The following TFCP2L1 variants were observed in gnomAD, a reference collection of about 807,000 sequenced individuals.
The protein encoded by TFCP2L1 is transcription factor CP2 like 1.
TFCP2L1 carries 12 observed loss-of-function variants against 72.2 expected under a neutral mutation model. That is an observed-to-expected ratio of 0.17 (90% CI 0.11 to 0.27). The LOEUF (loss-of-function observed/expected upper bound fraction) is 0.27. Among genes scored for constraint, TFCP2L1 ranks in the 10% least tolerant of loss-of-function variants. TFCP2L1 has a pLI of 1.00. For synonymous variants in TFCP2L1, 260 were observed against 251.0 expected (o/e 1.04, Z -0.34); for missense variants, 488 against 624.6 (o/e 0.78, Z 2.33).
At chr2:121,280,520 G>T (rs529563559) in intron 2 of TFCP2L1, among the ~76,000 whole-genome samples, 1 of 152,174 alleles carries the variant, frequency 6.6e-6, no homozygotes, top group Non-Finnish European at 1.5e-5. Context: ...CACTTTGGGA[G>T]GCGCAGGCAG....
intron 2 of TFCP2L1, among the ~76,000 whole-genome samples, chr2:121,279,670 G>A (rs149246968): frequency 2.6e-5 from 4 of 152,330 alleles, no homozygotes; most frequent in African/African-American, 7.2e-5. Context: ...TTCCACCCTG[G>A]CTGGCTCTCC....
At chr2:121,240,010 G>A in intron 7 of TFCP2L1, 1 of 981,852 alleles carries the variant, frequency 1.0e-6, no homozygotes, top group Non-Finnish European at 1.2e-6. Context: ...TCCTGGGAGA[G>A]ACAAATTCGT....
intron 2 of TFCP2L1, among the ~76,000 whole-genome samples, chr2:121,254,249 A>C (rs1686669102): frequency 6.6e-6 from 1 of 152,208 alleles, no homozygotes; most frequent in Non-Finnish European, 1.5e-5. Flanking sequence ...GCCAAAGTTA[A>C]GACACATTCT....
Position 121,237,810 on chromosome 2 carries a change from C to T in TFCP2L1, c.901G>A (p.Gly301Ser). The part of the protein sequence containing the change: ...PTHPVEALPV[G>S]SDHLLPSASI... ...CCTGCTCAGACACTTACGTCACTGC[C>T]CACGGGCAGGGCCTCCACCGGGTGG... Residue 301 changes from glycine (G) to serine (S), a missense_variant, in exon 9 of 15, where the codon GGC becomes AGC. By Grantham distance (56) the Gly-to-Ser change is moderately conservative (BLOSUM62 0). Coordinates refer to ENST00000263707, the MANE Select transcript of TFCP2L1 (RefSeq NM_014553.3). 6.2e-7 allele frequency: 1 copy of T among 1,614,098 alleles called. No homozygotes were observed. The highest frequency in any genetic ancestry group is 8.5e-7 in the Non-Finnish European group (1 of 1,180,034).
chr2:121,235,820 C>T (rs906554604), intron 10 of TFCP2L1, among the ~76,000 whole-genome samples: 1 of 151,770 alleles, frequency 6.6e-6, no homozygotes, highest in African/African-American at 2.4e-5. Flanking sequence ...GTATACAGCT[C>T]GCTGGATGCT....
chr2:121,260,407 T>G (rs1686807701), intron 2 of TFCP2L1, among the ~76,000 whole-genome samples: 1 of 152,150 alleles, frequency 6.6e-6, no homozygotes, highest in Non-Finnish European at 1.5e-5. Context: ...GAGGATTAAA[T>G]GAGATAATGT....
In TFCP2L1 at chr2:121,249,016, C is replaced by T; in HGVS notation, c.363G>A (p.Arg121=). 1.2e-6 allele frequency: 2 copies of T among 1,604,216 alleles called. No individual in the cohort carries two copies. Among genetic ancestry groups the T allele is most frequent in the South Asian group, 1.1e-5 (1 of 88,770 alleles). Reference sequence around the variant, plus strand: ...GGATCCGGTCCCCTGGCCGACTCCACCGCCAGCCCTCCAGCTGCTGGTGCT... The same window carrying T: ...GGATCCGGTCCCCTGGCCGACTCCATCGCCAGCCCTCCAGCTGCTGGTGCT... ...YTEHQQLEGW[R]WSRPGDRILD... The change falls in exon 4 of 15, where the codon CGG becomes CGA. Residue 121 remains arginine, a synonymous_variant. Coordinates refer to ENST00000263707, the MANE Select transcript of TFCP2L1 (RefSeq NM_014553.3).
chr2:121,243,725 C>T (rs191364957), intron 6 of TFCP2L1, among the ~76,000 whole-genome samples: 1 of 151,718 alleles, frequency 6.6e-6, no homozygotes, highest in East Asian at 1.9e-4. Context: ...TGACTGTCCT[C>T]CCCCCGCCAC....
intron 2 of TFCP2L1, among the ~76,000 whole-genome samples, chr2:121,260,753 C>G (rs1686815797): frequency 6.6e-6 from 1 of 152,196 alleles, no homozygotes; most frequent in South Asian, 2.1e-4. Flanking sequence ...GTCGTGCCCA[C>G]CAGGTGCTCC....
At chr2:121,283,996 A>C (rs888536198) in intron 1 of TFCP2L1, among the ~76,000 whole-genome samples, 1 of 152,094 alleles carries the variant, frequency 6.6e-6, no homozygotes, top group Non-Finnish European at 1.5e-5. Context: ...ACTAAACCCA[A>C]TCATTCCCCC....
rs575514638 is a variant in TFCP2L1, at chr2:121,275,398, C to CAAA, written c.214+5719_214+5721dup. ...TGGGCGACAGCACGAGACTCCATCT[C>CAAA]AAAAAAAAAAAAAAAAAGAAATAAC... On this transcript the variant is annotated intron_variant, in intron 2 of 14. Transcript: ENST00000263707. Among the ~76,000 whole-genome samples the CAAA allele has an allele frequency of 1.1e-3, 73 of 65,736 alleles. 4 individuals carry two copies. The highest frequency in any genetic ancestry group is 3.0e-3 in the African/African-American group (44 of 14,600). 43.1% of individuals were successfully genotyped at this position (65,736 alleles called of 152,430 possible).
chr2:121,242,354 C>T lies in TFCP2L1; in HGVS notation c.768+5G>A, dbSNP rs750960447. 1 of 1,613,822 alleles carries T rather than the reference C, an allele frequency of 6.2e-7. No individual in the cohort carries two copies. On this transcript the variant is annotated splice_donor_5th_base_variant and intron_variant, in intron 7 of 14. Transcript: ENST00000263707. ...AGGCTCTGTCCCCGCACCCAGCCGGCTCACCTCTGTGAGGATGGTGGTTTC... is the reference window on the plus strand; with the variant it reads ...AGGCTCTGTCCCCGCACCCAGCCGGTTCACCTCTGTGAGGATGGTGGTTTC...
In TFCP2L1 at chr2:121,247,121, C is replaced by G. The variant is rs1450803409; in HGVS notation, c.505-151G>C. ...CCTGCTTTCCCTGACACTCTGTCCA[C>G]TCCATCAGGCCGGTGGCCTCCCTGT... On this transcript the variant is annotated intron_variant, in intron 5 of 14. Transcript: ENST00000263707. 5.5e-6 allele frequency: 5 copies of G among 914,364 alleles called. No homozygotes were observed. The East Asian group carries it at 1.3e-4, about 24-fold the overall frequency. 56.6% of individuals were successfully genotyped at this position (914,364 alleles called of 1,614,324 possible).
Position 121,222,324 on chromosome 2 carries a change from C to T in TFCP2L1, c.*2017G>A, listed in dbSNP as rs530278377. 7 of 152,308 alleles carry T rather than the reference C, an allele frequency of 4.6e-5. No homozygotes were observed. Among genetic ancestry groups the T allele is most frequent in the African/African-American group, 1.4e-4 (6 of 41,578 alleles). 9.4% of individuals were successfully genotyped at this position (152,308 alleles called of 1,614,324 possible). ...TGTATATTGCTAAAAGAAATGAAAA[C>T]ATATGTCCACACAAAATCTTGTAGA... On this transcript the variant is annotated 3_prime_UTR_variant, in exon 15 of 15. Coordinates refer to ENST00000263707, the MANE Select transcript of TFCP2L1 (RefSeq NM_014553.3).
Position 121,237,832 on chromosome 2 carries a change from G to C in TFCP2L1, c.879C>G (p.His293Gln). 1 of 1,614,134 alleles carries C rather than the reference G, an allele frequency of 6.2e-7. No homozygotes were observed. The highest frequency in any genetic ancestry group is 1.3e-5 in the African/African-American group (1 of 75,062). ...GLGEGNASPT[H>Q]PVEALPVGSD... ...TGCCCACGGGCAGGGCCTCCACCGG[G>C]TGGGTCGGAGAGGCGTTGCTGCAAG... Residue 293 changes from histidine to glutamine, a missense_variant, in exon 9 of 15, where the codon CAC becomes CAG. Physicochemically the swap from His to Gln is conservative, Grantham distance 24. Transcript: ENST00000263707.
chr2:121,263,390 T>A (rs528568423), intron 2 of TFCP2L1, among the ~76,000 whole-genome samples: 81 of 141,622 alleles, frequency 5.7e-4, no homozygotes, highest in South Asian at 3.2e-3. Flanking sequence ...TGGTTTAACC[T>A]AATATAACGG....
chr2:121,263,457 G>C (rs1451900151), intron 2 of TFCP2L1, among the ~76,000 whole-genome samples: 1 of 97,256 alleles, frequency 1.0e-5, no homozygotes, highest in Non-Finnish European at 1.9e-5. Context: ...GATATCAACT[G>C]TCTGTTTTTG....
At chr2:121,263,427 C>T (rs1226030855) in intron 2 of TFCP2L1, among the ~76,000 whole-genome samples, 9 of 103,574 alleles carry the variant, frequency 8.7e-5, no homozygotes, top group Admixed American at 1.2e-4. Flanking sequence ...AGCAAAAAGC[C>T]GAAAGAAAAA....
chr2:121,241,880 G>A (rs1686376207), intron 7 of TFCP2L1, among the ~76,000 whole-genome samples: 1 of 152,080 alleles, frequency 6.6e-6, no homozygotes, highest in East Asian at 1.9e-4. Context: ...TTGTGTCTAT[G>A]TACACTGTTG....
Sources: allele counts gnomAD v4.1 joint callset (sites outside exome capture counted in the v4.1 genomes callset), GRCh38; gene constraint gnomAD v4.1.1; transcripts MANE v1.5; gene names NCBI Gene and HGNC (gene_info 2026-07-23, HGNC 2026-07-21).